The following TAOK1 variants were observed in gnomAD, a reference collection of about 807,000 sequenced individuals.
TAOK1 encodes the protein serine/threonine-protein kinase TAO1.
Under a neutral mutation model 138.3 loss-of-function variants are expected in TAOK1, and 21 were observed. The ratio of observed to expected loss-of-function variants is 0.15; its 90% CI spans 0.11 to 0.22. The LOEUF (loss-of-function observed/expected upper bound fraction) is 0.22. Ranked by LOEUF, TAOK1 falls within the 10% of genes least tolerant of loss-of-function variation. TAOK1 has a pLI of 1.00. For synonymous variants in TAOK1, 361 were observed against 398.4 expected, an observed-to-expected ratio of 0.91 and a Z score of 1.12; for missense variants, 651 against 1,227.7, an observed-to-expected ratio of 0.53 and a Z score of 7.02.
chr17:29,495,471 A>G (rs1412098639), intron 10 of TAOK1, 89 bp from the exon 11 acceptor site: 3 of 1,123,298 alleles, frequency 2.7e-6, no homozygotes, highest in South Asian at 2.4e-5. Context: ...TGCATTATCT[A>G]TCATAGGATA....
At chr17:29,530,810 T>C (rs1002551352) in intron 18 of TAOK1, 191 bp downstream of exon 18, 14 of 604,240 alleles carry the variant, frequency 2.3e-5, no homozygotes, top group South Asian at 1.6e-4. Flanking sequence ...AGAATTCTCA[T>C]TGATACATTT....
chr17:29,396,732 T>C (rs1344289098), intron 1 of TAOK1, among the ~76,000 whole-genome samples: 5 of 151,494 alleles, frequency 3.3e-5, no homozygotes, highest in African/African-American at 1.2e-4. Flanking sequence ...GCGTGGTGGC[T>C]CACGCCTGTA....
rs139749496 is a variant in TAOK1 at position 29,457,291 on chromosome 17, T to G, written c.132+5611T>G. ...TAATTTTTGTATTTTTTGGTTGAGATGGGGTTTCACCATGTTGGCCAGGCT... is the reference window on the plus strand; with the variant it reads ...TAATTTTTGTATTTTTTGGTTGAGAGGGGGTTTCACCATGTTGGCCAGGCT... On this transcript the variant is annotated intron_variant, in intron 2 of 19. Transcript: ENST00000261716. Among the ~76,000 whole-genome samples, 1,359 of 142,364 alleles carry G rather than the reference T, an allele frequency of 9.5e-3. 14 individuals carry two copies. The highest frequency in any genetic ancestry group is 0.015 in the Non-Finnish European group (1,041 of 67,384). 93.4% of individuals were successfully genotyped at this position (142,364 alleles called of 152,430 possible). A position where few individuals can be genotyped will look rare whatever the true frequency, so the allele number is the denominator to read the frequency against.
intron 1 of TAOK1, among the ~76,000 whole-genome samples, chr17:29,410,127 G>C (rs1329157336): frequency 6.6e-6 from 1 of 152,158 alleles, no homozygotes; most frequent in Non-Finnish European, 1.5e-5. Flanking sequence ...TGTTCTCATT[G>C]CTGTGTGAGC....
At chr17:29,494,866 G>A (rs992848529) in intron 10 of TAOK1, among the ~76,000 whole-genome samples, 36 of 149,652 alleles carry the variant, frequency 2.4e-4, no homozygotes, top group African/African-American at 8.4e-4. Flanking sequence ...AGGATATTTC[G>A]TAGAACTCAA....
intron 1 of TAOK1, among the ~76,000 whole-genome samples, chr17:29,411,379 C>T (rs1278394823): frequency 2.0e-5 from 3 of 151,944 alleles, no homozygotes; most frequent in Non-Finnish European, 4.4e-5. Flanking sequence ...GCGTGAGCCA[C>T]CGCGCCCGGC....
At position 29,423,572 on chromosome 17, in the gene TAOK1, T is replaced by G. The variant is rs1052213718; in HGVS notation, c.-94-27883T>G. Among the ~76,000 whole-genome samples the G allele has an allele frequency of 7.2e-5, 11 of 152,240 alleles. No individual in the cohort carries two copies. The East Asian group carries it at 1.9e-3, about 27-fold the overall frequency. On this transcript the variant is annotated intron_variant, in intron 1 of 19. Transcript: ENST00000261716. Reference sequence around the variant, plus strand: ...ATTTTCCTGTGTCCCTGTATTTCAATTCAGAATATTTTCCAATTTCACTTT... The same window carrying G: ...ATTTTCCTGTGTCCCTGTATTTCAAGTCAGAATATTTTCCAATTTCACTTT...
At chr17:29,440,444 C>G (rs561689270) in intron 1 of TAOK1, among the ~76,000 whole-genome samples, 1 of 151,916 alleles carries the variant, frequency 6.6e-6, no homozygotes, top group Non-Finnish European at 1.5e-5. Flanking sequence ...ATAATGAAAG[C>G]ATGGAAAAGT....
At chr17:29,487,638 G>A (rs1229055563) in intron 8 of TAOK1, among the ~76,000 whole-genome samples, 2 of 152,040 alleles carry the variant, frequency 1.3e-5, no homozygotes, top group East Asian at 3.8e-4. Context: ...TAATAATGGG[G>A]CCATGTCCAA....
At chr17:29,513,350 T>G (rs1277781159) in intron 15 of TAOK1, 3 of 152,122 alleles carry the variant, frequency 2.0e-5, no homozygotes, top group African/African-American at 7.2e-5. Context: ...AAAGCCAAAC[T>G]CTACTGGAAG....
At chr17:29,506,321 T>C (rs2031629547) in intron 13 of TAOK1, among the ~76,000 whole-genome samples, 1 of 152,190 alleles carries the variant, frequency 6.6e-6, no homozygotes, top group African/African-American at 2.4e-5. Context: ...AGAACATGAA[T>C]GAATCTGGAG....
chr17:29,456,923 C>T lies in TAOK1; in HGVS notation c.132+5243C>T, dbSNP rs890374620. ...TAATTTTCTGTATTTTTAATAGAGA[C>T]GGGGTTCCACTGTGTTAGCCAGGAT... On this transcript the variant is annotated intron_variant, in intron 2 of 19. Coordinates refer to ENST00000261716, the MANE Select transcript of TAOK1 (RefSeq NM_020791.4). Among the ~76,000 whole-genome samples the T allele has an allele frequency of 1.9e-4, 28 of 149,356 alleles. 1 individual carries two copies. The highest frequency in any genetic ancestry group is 4.0e-4 in the Admixed American group (6 of 15,168).
At chr17:29,425,109 T>G (rs1469212673) in intron 1 of TAOK1, among the ~76,000 whole-genome samples, 3 of 152,114 alleles carry the variant, frequency 2.0e-5, no homozygotes, top group Non-Finnish European at 4.4e-5. Context: ...TCACTCTGTC[T>G]CCCAGGCTGG....
intron 1 of TAOK1, among the ~76,000 whole-genome samples, chr17:29,437,734 C>CTTTTTTT (rs11447325): frequency 8.0e-6 from 1 of 124,238 alleles, no homozygotes; most frequent in African/African-American, 3.1e-5. Context: ...TTATATTCTT[C>CTTTTTTT]TTTTTTTTTT....
Position 29,547,027 on chromosome 17 carries a change from T to C in TAOK1, c.*4005T>C, listed in dbSNP as rs907154126. On this transcript the variant is annotated 3_prime_UTR_variant, in exon 20 of 20. Transcript: ENST00000261716. ...GCTGGGGAAGGAGCCAGTTAGTGTT[T>C]CTGTGAGTTTGTGTTGTGATGCAAT... 6.6e-6 allele frequency: 1 copy of C among 152,134 alleles called. No individual in the cohort carries two copies. The highest frequency in any genetic ancestry group is 2.4e-5 in the African/African-American group (1 of 41,438). 9.4% of individuals were successfully genotyped at this position (152,134 alleles called of 1,614,324 possible). A position where few individuals can be genotyped will look rare whatever the true frequency, so the allele number is the denominator to read the frequency against.
At chr17:29,438,087 C>T (rs1180740660) in intron 1 of TAOK1, among the ~76,000 whole-genome samples, 2 of 152,126 alleles carry the variant, frequency 1.3e-5, no homozygotes, top group African/African-American at 4.8e-5. Context: ...CAATGTCTTT[C>T]TTCCATAGGT....
intron 1 of TAOK1, among the ~76,000 whole-genome samples, chr17:29,397,630 ACATGTATACATGTATATATGTATATT>A (rs1904664890): frequency 1.4e-5 from 1 of 69,870 alleles, no homozygotes; most frequent in Non-Finnish European, 3.0e-5. Context: ...ATATATATAT[ACATGTATACATGTATATATGTATATT>A]CATGTATGAT....
intron 2 of TAOK1, among the ~76,000 whole-genome samples, chr17:29,465,833 T>C (rs1430680839): frequency 7.2e-6 from 1 of 138,650 alleles, no homozygotes; most frequent in African/African-American, 2.6e-5. Context: ...GTCAAGTTTC[T>C]GTGCTTTTTT....
chr17:29,398,368 G>A (rs557607019), intron 1 of TAOK1, among the ~76,000 whole-genome samples: 107 of 151,818 alleles, frequency 7.0e-4, no homozygotes, highest in South Asian at 4.2e-4. Flanking sequence ...ACCATGCCCA[G>A]CTAATTTTTT....
Sources: allele counts gnomAD v4.1 joint callset (sites outside exome capture counted in the v4.1 genomes callset), GRCh38; gene constraint gnomAD v4.1.1; transcripts MANE v1.5; gene names NCBI Gene and HGNC (gene_info 2026-07-23, HGNC 2026-07-21).